MROH1: variants seen among roughly 807,000 people sequenced by gnomAD.
The protein encoded by MROH1 is maestro heat-like repeat-containing protein family member 1.
A neutral mutation model predicts 116.5 loss-of-function variants in MROH1; 117 were observed. The ratio of observed to expected loss-of-function variants is 1.00; its 90% CI spans 0.86 to 1.17. MROH1 has a LOEUF of 1.17. Among genes scored for constraint, MROH1 ranks in the 50% most tolerant of loss-of-function variants. MROH1 has a pLI of 0.00. For missense variants in MROH1, 1,873 were observed against 1,338.5 expected, an observed-to-expected ratio of 1.40 and a Z score of -6.23; for synonymous variants, 921 against 583.9, an observed-to-expected ratio of 1.58 and a Z score of -8.32.
rs1844796600 is a variant in MROH1 at position 144,260,390 on chromosome 8, C to T, written c.4380+16C>T. On this transcript the variant is annotated intron_variant, in intron 39 of 43. Transcript: ENST00000326134. ...CTTCGACAGTGTAGGCTGGTTGGGG[C>T]AGGGGGAGGGAAGAGGGCCCCAGCC... 2.8e-6 allele frequency: 2 copies of T among 709,694 alleles called. No individual in the cohort carries two copies. Among genetic ancestry groups the T allele is most frequent in the Non-Finnish European group, 5.1e-6 (2 of 388,598 alleles). 44.0% of individuals were successfully genotyped at this position (709,694 alleles called of 1,614,324 possible).
In MROH1 at chr8:144,255,523, G is replaced by A. The variant is rs1036716375; in HGVS notation, c.3609G>A (p.Leu1203=). The change falls in exon 35 of 44, where the codon CTG becomes CTA. Residue 1203 remains leucine, a synonymous_variant. Transcript: ENST00000326134. ...TLLPLSATCA[L]FEVMSTPAAG... The stretch of plus-strand genomic sequence containing the variant: ...TTCTCCCCCAGGCTACCTGTGCACT[G>A]TTTGAGGTCATGTCCACGCCTGCAG... The A allele has an allele frequency of 1.3e-6, 1 of 779,100 alleles. No individual in the cohort carries two copies. The highest frequency in any genetic ancestry group is 2.4e-6 in the Non-Finnish European group (1 of 417,796). 48.3% of individuals were successfully genotyped at this position (779,100 alleles called of 1,614,324 possible).
intron 12 of MROH1, among the ~76,000 whole-genome samples, chr8:144,209,681 A>G (rs1833667677): frequency 6.6e-6 from 1 of 151,670 alleles, no homozygotes; most frequent in African/African-American, 2.4e-5. Context: ...TCCCGTAGCA[A>G]GCAGATCGCT....
At chr8:144,192,526 CATT>C in intron 10 of MROH1, 125 bp downstream of exon 10, 1 of 806,272 alleles carries the variant, frequency 1.2e-6, no homozygotes, top group Non-Finnish European at 2.1e-6. Context: ...GAGGACTGGG[CATT>C]CCCTGAAGGT....
chr8:144,208,409 T>TC (rs1833336234), intron 12 of MROH1, among the ~76,000 whole-genome samples: 1 of 149,914 alleles, frequency 6.7e-6, no homozygotes, highest in African/African-American at 2.5e-5. Flanking sequence ...TGGGTGGGGT[T>TC]TTTTTTTTTT....
chr8:144,167,828 T>C (rs1238505158), intron 3 of MROH1, among the ~76,000 whole-genome samples: 1 of 152,190 alleles, frequency 6.6e-6, no homozygotes, highest in Non-Finnish European at 1.5e-5. Context: ...TGTCAAGGGC[T>C]ATGTGTGGGC....
At chr8:144,243,407 G>A (rs1564549951) in intron 24 of MROH1, 87 bp from the exon 25 acceptor site, 3 of 750,432 alleles carry the variant, frequency 4.0e-6, no homozygotes, top group Non-Finnish European at 7.3e-6. Flanking sequence ...CAGCACTTCT[G>A]GTTTCAGAGG....
intron 7 of MROH1, among the ~76,000 whole-genome samples, chr8:144,187,190 C>T (rs1391559167): frequency 1.3e-5 from 2 of 151,952 alleles, no homozygotes; most frequent in Non-Finnish European, 2.9e-5. Flanking sequence ...GTGGTTGGAT[C>T]GCTTGAACCC....
chr8:144,260,948 A>G lies in MROH1; in HGVS notation c.4578A>G (p.Ala1526=). ...TGCGCATGTGTGGCCCCAATCTGGC[A>G]TGTGAGGAGCTCTCAGCTGCTTTCC... ...FALRMCGPNL[A]CEELSAAFQK... is the part of the protein sequence containing the mutation. Residue 1526 remains alanine, a synonymous_variant, in exon 41 of 44, where the codon GCA becomes GCG. Coordinates refer to ENST00000326134, the MANE Select transcript of MROH1 (RefSeq NM_032450.3). 3 of 777,562 alleles carry G rather than the reference A, an allele frequency of 3.9e-6. No homozygotes were observed. Among genetic ancestry groups the G allele is most frequent in the East Asian group, 4.9e-5 (2 of 41,222 alleles). 48.2% of individuals were successfully genotyped at this position (777,562 alleles called of 1,614,324 possible). A position where few individuals can be genotyped will look rare whatever the true frequency, so the allele number is the denominator to read the frequency against.
At chr8:144,217,196 T>G (rs919103468) in intron 12 of MROH1, among the ~76,000 whole-genome samples, 1 of 152,164 alleles carries the variant, frequency 6.6e-6, no homozygotes, top group Non-Finnish European at 1.5e-5. Context: ...CATATAAATT[T>G]AGTCAGGAGT....
At position 144,191,845 on chromosome 8, in the gene MROH1, A is replaced by G. The variant is rs1207659763; in HGVS notation, c.845A>G (p.Tyr282Cys). The G allele has an allele frequency of 3.7e-6, 6 of 1,613,152 alleles. No homozygotes were observed. Among genetic ancestry groups the G allele is most frequent in the Non-Finnish European group, 5.1e-6 (6 of 1,179,814 alleles). ...TACAAGAAGCACGCAGAGACCTTCT[A>G]CTTGTCCAAGGTATCTGCAGGCAGG... ...ALYKKHAETF[Y>C]LSKSLGQILE... Residue 282 changes from tyrosine to cysteine, a missense_variant, in exon 9 of 44, where the codon TAC (tyrosine) becomes TGC (cysteine). Coordinates refer to ENST00000326134, the MANE Select transcript of MROH1 (RefSeq NM_032450.3).
At chr8:144,242,208 C>T (rs1841124172) in intron 22 of MROH1, 161 bp from the exon 23 acceptor site, 1 of 729,056 alleles carries the variant, frequency 1.4e-6, no homozygotes, top group Non-Finnish European at 2.5e-6. Flanking sequence ...TCCCCATCCC[C>T]AGATTCAGGT....
rs1842376546 is a variant in MROH1 at position 144,248,986 on chromosome 8, T to C, written c.3230T>C (p.Ile1077Thr). ...TGCTCCCGAGCAGCTACCGTCATGA[T>C]CAACTGCCTGCTGCAGGAGCGGGGC... ...KNCSRAATVM[I>T]NCLLQERGGV... Residue 1077 changes from isoleucine to threonine, a missense_variant, in exon 32 of 44, where the codon ATC (isoleucine) becomes ACC (threonine). Transcript: ENST00000326134. The C allele has an allele frequency of 1.4e-6, 1 of 728,692 alleles. No individual in the cohort carries two copies. Among genetic ancestry groups the C allele is most frequent in the East Asian group, 2.6e-5 (1 of 37,898 alleles). 45.1% of individuals were successfully genotyped at this position (728,692 alleles called of 1,614,324 possible).
At chr8:144,159,094 A>G (rs1463709754) in intron 1 of MROH1, among the ~76,000 whole-genome samples, 1 of 152,160 alleles carries the variant, frequency 6.6e-6, no homozygotes, top group Non-Finnish European at 1.5e-5. Context: ...ACAGTGGCTC[A>G]CGCCTGTAAT....
intron 12 of MROH1, chr8:144,213,479 A>G (rs113170771): frequency 0.014 from 2,463 of 174,350 alleles, 54 homozygotes; most frequent in African/African-American, 0.053. Flanking sequence ...TGTGTGGGAC[A>G]TTTTTGTACT....
intron 39 of MROH1, 62 bp from the exon 40 acceptor site, chr8:144,260,615 T>TAGGC: frequency 1.3e-6 from 1 of 769,576 alleles, no homozygotes; most frequent in Non-Finnish European, 2.4e-6. Flanking sequence ...GGCAGGGGGC[T>TAGGC]AGGCAGGCAG....
At chr8:144,245,414 G>C (rs1446089233) in intron 29 of MROH1, among the ~76,000 whole-genome samples, 154 bp downstream of exon 29, 2 of 152,258 alleles carry the variant, frequency 1.3e-5, no homozygotes, top group African/African-American at 2.4e-5. Flanking sequence ...AGGGCCAGGA[G>C]TTGTCAGGGA....
At chr8:144,174,987 ATTG>A (rs1823453249) in intron 4 of MROH1, 1 of 985,390 alleles carries the variant, frequency 1.0e-6, no homozygotes, top group Non-Finnish European at 1.2e-6. Context: ...ACTTCTCCCT[ATTG>A]TTTTCCTCTG....
At chr8:144,185,042 G>C (rs879851852) in intron 7 of MROH1, among the ~76,000 whole-genome samples, 2 of 152,220 alleles carry the variant, frequency 1.3e-5, no homozygotes, top group African/African-American at 4.8e-5. Context: ...TGAGGAGGAG[G>C]GGGAGGCAGG....
intron 14 of MROH1, among the ~76,000 whole-genome samples, chr8:144,230,719 T>G (rs1035373519): frequency 2.4e-4 from 37 of 151,884 alleles, no homozygotes; most frequent in African/African-American, 8.5e-4. Context: ...GGATTGGCAT[T>G]AATTCTTCTT....
Sources: allele counts gnomAD v4.1 joint callset (sites outside exome capture counted in the v4.1 genomes callset), GRCh38; gene constraint gnomAD v4.1.1; transcripts MANE v1.5; gene names NCBI Gene and HGNC (gene_info 2026-07-23, HGNC 2026-07-21).